AFG2A: variants seen among roughly 807,000 people sequenced by gnomAD.
AFG2A encodes ATPase family gene 2 protein homolog A.
At chr4:122,943,009 A>G in the AFG2A span, among the ~76,000 whole-genome samples, 1 of 152,020 alleles carries the variant, frequency 6.6e-6, no homozygotes, top group South Asian at 2.1e-4. Flanking sequence ...ACAGTTTGTT[A>G]TAATTTCTGT....
chr4:122,966,429 T>C, the AFG2A span, among the ~76,000 whole-genome samples: 865 of 152,310 alleles, frequency 5.7e-3, 8 homozygotes, highest in African/African-American at 0.019. Flanking sequence ...CTCTGGAGAC[T>C]TAGGATTTTA....
chr4:122,975,356 T>A, the AFG2A span, among the ~76,000 whole-genome samples: 1 of 152,190 alleles, frequency 6.6e-6, no homozygotes, highest in South Asian at 2.1e-4. Context: ...AGGCCTCACC[T>A]CCCATCAGTG....
At chr4:123,035,429 T>C in the AFG2A span, among the ~76,000 whole-genome samples, 1 of 152,176 alleles carries the variant, frequency 6.6e-6, no homozygotes, top group Non-Finnish European at 1.5e-5. Context: ...ATGTGCCTTA[T>C]TTGCTTAAAT....
the AFG2A span, among the ~76,000 whole-genome samples, chr4:123,241,359 T>C: frequency 6.6e-6 from 1 of 152,314 alleles, no homozygotes; most frequent in East Asian, 1.9e-4. Flanking sequence ...ATATCCCTGA[T>C]GAACATCGAT....
chr4:122,957,955 A>C, the AFG2A span, among the ~76,000 whole-genome samples: 1 of 152,232 alleles, frequency 6.6e-6, no homozygotes, highest in Non-Finnish European at 1.5e-5. Flanking sequence ...AATATGTGTG[A>C]AATCTAGGAG....
At chr4:123,265,417 G>A in the AFG2A span, among the ~76,000 whole-genome samples, 4 of 152,076 alleles carry the variant, frequency 2.6e-5, no homozygotes, top group Admixed American at 6.6e-5. Context: ...GAGATACAAT[G>A]TACTTACAGT....
the AFG2A span, among the ~76,000 whole-genome samples, chr4:122,979,010 C>T: frequency 6.6e-6 from 1 of 152,174 alleles, no homozygotes; most frequent in Admixed American, 6.5e-5. Flanking sequence ...GCAGCTGTGC[C>T]TGGGTGAGTG....
At chr4:123,222,626 G>C in the AFG2A span, among the ~76,000 whole-genome samples, 13 of 152,228 alleles carry the variant, frequency 8.5e-5, no homozygotes, top group African/African-American at 3.1e-4. Flanking sequence ...TCATACAGTA[G>C]ATGTGTAGAA....
At chr4:122,928,467 C>T in the AFG2A span, among the ~76,000 whole-genome samples, 1 of 152,106 alleles carries the variant, frequency 6.6e-6, no homozygotes, top group African/African-American at 2.4e-5. Context: ...TGATGGCACC[C>T]CTCCTATTCT....
chr4:123,032,703 C>A, the AFG2A span, among the ~76,000 whole-genome samples: 16 of 152,226 alleles, frequency 1.1e-4, no homozygotes, highest in African/African-American at 3.9e-4. Flanking sequence ...TATAAGCCAC[C>A]ACGCCAGGCC....
the AFG2A span, among the ~76,000 whole-genome samples, chr4:123,085,861 G>GT: frequency 6.6e-6 from 1 of 151,008 alleles, no homozygotes; most frequent in Non-Finnish European, 1.5e-5. Flanking sequence ...AGTTTTTTGG[G>GT]TTTTTTTGTT....
chr4:123,003,978 G>A, the AFG2A span, among the ~76,000 whole-genome samples: 13 of 152,330 alleles, frequency 8.5e-5, no homozygotes, highest in African/African-American at 2.2e-4. Context: ...AAGCTTCTTG[G>A]CTGTTTTGTT....
the AFG2A span, among the ~76,000 whole-genome samples, chr4:123,190,720 A>C: frequency 6.6e-6 from 1 of 152,232 alleles, no homozygotes; most frequent in African/African-American, 2.4e-5. Flanking sequence ...TATGACTTCC[A>C]TAGTGTACTG....
the AFG2A span, among the ~76,000 whole-genome samples, chr4:123,068,811 C>T: frequency 1.3e-5 from 2 of 152,100 alleles, no homozygotes; most frequent in African/African-American, 4.8e-5. Flanking sequence ...CAGAGTTCGA[C>T]TTAGTGCCAC....
the AFG2A span, among the ~76,000 whole-genome samples, chr4:123,066,334 C>T: frequency 3.3e-5 from 5 of 152,012 alleles, no homozygotes; most frequent in Admixed American, 3.3e-4. Context: ...TGACACTTTT[C>T]AAGAAGGGTT....
chr4:123,204,949 C>G, the AFG2A span, among the ~76,000 whole-genome samples: 2 of 152,166 alleles, frequency 1.3e-5, no homozygotes, highest in Non-Finnish European at 2.9e-5. Context: ...AATTGGCAAT[C>G]ACTATAAATC....
the AFG2A span, among the ~76,000 whole-genome samples, chr4:123,091,075 G>A: frequency 4.6e-4 from 70 of 152,322 alleles, no homozygotes; most frequent in African/African-American, 1.6e-3. Flanking sequence ...CCCTGTTCCA[G>A]GTTTTATACA....
chr4:123,307,285 C>A, the AFG2A span, among the ~76,000 whole-genome samples: 1 of 152,114 alleles, frequency 6.6e-6, no homozygotes, highest in Non-Finnish European at 1.5e-5. Context: ...TGACTACAGG[C>A]CCACACCACT....
the AFG2A span, among the ~76,000 whole-genome samples, chr4:123,205,960 A>T: frequency 7.5e-4 from 114 of 152,290 alleles, no homozygotes; most frequent in African/African-American, 2.6e-3. Context: ...TCTAACCAGG[A>T]ACCCATTCCC....
Sources: allele counts gnomAD v4.1 joint callset (sites outside exome capture counted in the v4.1 genomes callset), GRCh38; gene constraint gnomAD v4.1.1; transcripts MANE v1.5; gene names NCBI Gene and HGNC (gene_info 2026-07-23, HGNC 2026-07-21).